The following AUTS2 variants were observed in gnomAD, a reference collection of about 807,000 sequenced individuals.
The protein encoded by AUTS2 is activator of transcription and developmental regulator AUTS2.
Under a neutral mutation model 112.4 loss-of-function variants are expected in AUTS2, and 17 were observed. The observed-to-expected ratio is 0.15, with a 90% CI of 0.10 to 0.23. The LOEUF is 0.23. AUTS2 is among the 10% of genes least tolerant of loss of function. The pLI is 1.00. For missense variants in AUTS2, 1,510 were observed against 1,701.6 expected (o/e 0.89, Z 1.98); for synonymous variants, 751 against 702.7 (o/e 1.07, Z -1.09).
intron 1 of AUTS2, among the ~76,000 whole-genome samples, chr7:69,797,098 A>G (rs915196332): frequency 3.9e-5 from 6 of 152,136 alleles, no homozygotes; most frequent in African/African-American, 1.4e-4. Flanking sequence ...GAGTGGCTAA[A>G]CTTCAACTTT....
chr7:70,420,229 A>G (rs921245890), intron 4 of AUTS2, among the ~76,000 whole-genome samples: 1 of 152,240 alleles, frequency 6.6e-6, no homozygotes, highest in Non-Finnish European at 1.5e-5. Flanking sequence ...TTCAGGGCAG[A>G]CAACGAGCAT....
chr7:70,197,601 G>A (rs1810257884), intron 4 of AUTS2, among the ~76,000 whole-genome samples: 1 of 83,454 alleles, frequency 1.2e-5, no homozygotes, highest in East Asian at 3.2e-4. Flanking sequence ...GGAAAATCGG[G>A]TCACTCCCAC....
intron 4 of AUTS2, among the ~76,000 whole-genome samples, chr7:70,143,522 A>G (rs952996379): frequency 2.0e-5 from 3 of 152,234 alleles, no homozygotes; most frequent in South Asian, 2.1e-4. Flanking sequence ...AGGCTAATGA[A>G]TGATCTCCAA....
chr7:70,351,344 G>A (rs761102004), intron 4 of AUTS2, among the ~76,000 whole-genome samples: 6 of 152,090 alleles, frequency 3.9e-5, no homozygotes, highest in South Asian at 2.1e-4. Flanking sequence ...GTGAGGCACC[G>A]CGCCCAGCCG....
chr7:70,185,847 G>A (rs1162085788), intron 4 of AUTS2, among the ~76,000 whole-genome samples: 1 of 152,150 alleles, frequency 6.6e-6, no homozygotes, highest in African/African-American at 2.4e-5. Context: ...TGGGGCCTAC[G>A]TGCCCTGCCT....
chr7:70,735,197 A>G (rs1202401603), intron 6 of AUTS2, among the ~76,000 whole-genome samples: 1 of 152,156 alleles, frequency 6.6e-6, no homozygotes, highest in African/African-American at 2.4e-5. Flanking sequence ...ACCAAAGGAG[A>G]GCTGAAATGG....
chr7:69,963,855 A>G (rs1268237986), intron 2 of AUTS2, among the ~76,000 whole-genome samples: 1 of 152,088 alleles, frequency 6.6e-6, no homozygotes, highest in Admixed American at 6.6e-5. Flanking sequence ...TGAGTGATGC[A>G]TTGTACTCTC....
intron 5 of AUTS2, among the ~76,000 whole-genome samples, chr7:70,580,239 ACTTCAT>A: frequency 6.6e-6 from 1 of 152,254 alleles, no homozygotes; most frequent in East Asian, 1.9e-4. Flanking sequence ...AGCCAGTCTG[ACTTCAT>A]CCTGACCTTC....
intron 1 of AUTS2, among the ~76,000 whole-genome samples, chr7:69,852,798 G>A (rs1792548719): frequency 6.6e-6 from 1 of 152,036 alleles, no homozygotes; most frequent in Admixed American, 6.6e-5. Flanking sequence ...TTTACCGTTA[G>A]TACTGCTTGT....
At position 70,435,986 on chromosome 7, in the gene AUTS2, A is replaced by T. The variant is rs1795878313; in HGVS notation, c.690+205A>T. ...AGATCTACCTTTTTTTCATTTAAAC[A>T]AGACCTTTAATATTGCATATATGTG... On this transcript the variant is annotated intron_variant, in intron 5 of 18. Transcript: ENST00000342771. 5 of 511,484 alleles carry T rather than the reference A, an allele frequency of 9.8e-6. No homozygotes were observed. The South Asian group carries it at 1.7e-4, about 18-fold the overall frequency. The allele number at this position is 511,484 out of a possible 1,614,324, so 31.7% of individuals were successfully genotyped here. A position where few individuals can be genotyped will look rare whatever the true frequency, so the allele number is the denominator to read the frequency against.
At chr7:70,209,708 T>C (rs1370566176) in intron 4 of AUTS2, among the ~76,000 whole-genome samples, 2 of 152,128 alleles carry the variant, frequency 1.3e-5, no homozygotes, top group African/African-American at 4.8e-5. Flanking sequence ...GTCAGTACTG[T>C]GAAGTTGAAT....
rs921954390 is a variant in AUTS2, at chr7:70,305,994, A to G, written c.661-129758A>G. 6.1e-5 allele frequency among the ~76,000 whole-genome samples: 9 copies of G among 147,240 alleles called. No homozygotes were observed. The South Asian group carries it at 6.4e-4, about 10-fold the overall frequency. ...ATGTAGGCCAAGAAATGCAAGTGGG[A>G]AAAAAAAAAACTTAAGCTGATGTCA... On this transcript the variant is annotated intron_variant, in intron 4 of 18. Transcript: ENST00000342771.
chr7:70,025,964 C>T (rs192312507), intron 2 of AUTS2, among the ~76,000 whole-genome samples: 4 of 152,076 alleles, frequency 2.6e-5, no homozygotes, highest in African/African-American at 4.8e-5. Context: ...AGTTTCTGAA[C>T]TAGGCACGAA....
chr7:70,463,956 T>G (rs538645197), intron 5 of AUTS2, among the ~76,000 whole-genome samples: 24 of 152,298 alleles, frequency 1.6e-4, no homozygotes, highest in African/African-American at 5.8e-4. Context: ...AGCTATTAAT[T>G]TTTAATCAAA....
intron 5 of AUTS2, among the ~76,000 whole-genome samples, chr7:70,588,592 C>T (rs559205049): frequency 1.6e-4 from 24 of 152,204 alleles, no homozygotes; most frequent in African/African-American, 5.5e-4. Context: ...AGAACAATGG[C>T]GGAAGAGGCA....
At chr7:70,594,852 A>G (rs906599104) in intron 5 of AUTS2, among the ~76,000 whole-genome samples, 5 of 152,194 alleles carry the variant, frequency 3.3e-5, no homozygotes, top group Admixed American at 2.0e-4. Context: ...CTGTAATCCC[A>G]GCACTTTGGA....
intron 6 of AUTS2, among the ~76,000 whole-genome samples, chr7:70,743,759 C>T (rs1388920187): frequency 2.0e-5 from 3 of 152,162 alleles, no homozygotes; most frequent in Non-Finnish European, 4.4e-5. Context: ...TTGTTTACAT[C>T]TGCTTCCTCC....
intron 1 of AUTS2, among the ~76,000 whole-genome samples, chr7:69,837,222 G>T (rs529099410): frequency 1.3e-5 from 2 of 152,300 alleles, no homozygotes; most frequent in South Asian, 4.1e-4. Flanking sequence ...AATGCACATA[G>T]ATAGTTAGGC....
At chr7:70,254,170 C>T (rs1177498945) in intron 4 of AUTS2, among the ~76,000 whole-genome samples, 1 of 152,172 alleles carries the variant, frequency 6.6e-6, no homozygotes, top group African/African-American at 2.4e-5. Context: ...AGTACCTAAT[C>T]TCCCATGGCA....
Sources: gnomAD v4.1 joint callset for allele counts (sites outside exome capture counted in the v4.1 genomes callset) on GRCh38, gnomAD v4.1.1 for gene constraint, MANE v1.5 for transcripts, NCBI Gene and HGNC (gene_info 2026-07-23, HGNC 2026-07-21) for gene names.